DPH6: variants seen among roughly 807,000 people sequenced by gnomAD.
The protein encoded by DPH6 is diphthine--ammonia ligase.
In DPH6, 33 loss-of-function variants were observed where a neutral mutation model predicts 38.2. The observed-to-expected ratio is 0.86, with a 90% confidence interval of 0.65 to 1.15. The LOEUF (loss-of-function observed/expected upper bound fraction) is 1.15. Ranked by LOEUF, DPH6 falls within the 50% of genes most tolerant of loss-of-function variation. The pLI, the probability that DPH6 is intolerant of heterozygous loss-of-function variation, is 0.00. For synonymous variants in DPH6, 108 were observed against 103.0 expected, an observed-to-expected ratio of 1.05 and a Z score of -0.30; for missense variants, 325 against 320.0, an observed-to-expected ratio of 1.02 and a Z score of -0.12.
downstream of DPH6, among the ~76,000 whole-genome samples, chr15:35,370,030 G>C (rs775615075): frequency 4.0e-5 from 6 of 151,790 alleles, no homozygotes; most frequent in Non-Finnish European, 8.9e-5. Context: ...TCCATCAGTG[G>C]AACAGACTGG....
At chr15:35,445,395 CAAAAAAA>C (rs11331685) in intron 5 of DPH6, among the ~76,000 whole-genome samples, 1 of 125,522 alleles carries the variant, frequency 8.0e-6, no homozygotes, top group Admixed American at 8.0e-5. Flanking sequence ...TCATCATCAT[CAAAAAAA>C]AAAAAAAAAA....
intron 3 of DPH6, among the ~76,000 whole-genome samples, chr15:35,504,683 C>T (rs960928127): frequency 3.3e-5 from 5 of 151,856 alleles, no homozygotes; most frequent in East Asian, 1.9e-4. Context: ...ATCAATATGC[C>T]CTGGAAATGG....
chr15:35,398,792 C>A (rs1166434829), intron 6 of DPH6, among the ~76,000 whole-genome samples: 5 of 152,020 alleles, frequency 3.3e-5, no homozygotes, highest in Admixed American at 6.6e-5. Context: ...GAAGTGGTGG[C>A]AGTCTTGTAG....
At chr15:35,471,592 C>T (rs2141127630) in intron 3 of DPH6, among the ~76,000 whole-genome samples, 1 of 152,288 alleles carries the variant, frequency 6.6e-6, no homozygotes, top group East Asian at 1.9e-4. Context: ...TTTGGCTGAA[C>T]ACATTAATTT....
rs531639597 is a variant in DPH6 at position 35,319,640 on chromosome 15, C to T, written n.200+53881G>A. ...CCTATAATCCCAGCTACTCAGAAGGCTGAGGCACAACAGTTGCTTGAACAT... is the reference window on the plus strand; with the variant it reads ...CCTATAATCCCAGCTACTCAGAAGGTTGAGGCACAACAGTTGCTTGAACAT... On this transcript the variant is annotated intron_variant and non_coding_transcript_variant, in intron 3 of 3. Transcript: ENST00000560386. Among the ~76,000 whole-genome samples, 27 of 152,200 alleles carry T rather than the reference C, an allele frequency of 1.8e-4. No individual in the cohort carries two copies. The South Asian group carries it at 5.6e-3, about 32-fold the overall frequency.
At chr15:35,303,907 C>T (rs955658924) in intron 3 of DPH6, among the ~76,000 whole-genome samples, 7 of 151,306 alleles carry the variant, frequency 4.6e-5, no homozygotes, top group African/African-American at 1.5e-4. Context: ...ATAGGTAAGC[C>T]GTGATTATAT....
At chr15:35,496,567 A>AAAAAAAATATATATATAT in intron 3 of DPH6, among the ~76,000 whole-genome samples, 7 of 31,010 alleles carry the variant, frequency 2.3e-4, no homozygotes, top group African/African-American at 5.5e-4. Context: ...AAAAAAAAAA[A>AAAAAAAATATATATATAT]ATATATATAT....
chr15:35,284,285 C>T (rs190321505), intron 3 of DPH6, among the ~76,000 whole-genome samples: 1 of 152,094 alleles, frequency 6.6e-6, no homozygotes, highest in Non-Finnish European at 1.5e-5. Flanking sequence ...ATATATACAA[C>T]AAGAAACCCT....
At chr15:35,289,714 CATCTT>C (rs1276190623) in intron 3 of DPH6, among the ~76,000 whole-genome samples, 1 of 152,152 alleles carries the variant, frequency 6.6e-6, no homozygotes, top group Non-Finnish European at 1.5e-5. Context: ...GCAAATAACT[CATCTT>C]ATAAATTAAA....
At chr15:35,285,872 G>GTTTTTTTTTTTTGTTTTTTTTT (rs2051938772) in intron 3 of DPH6, among the ~76,000 whole-genome samples, 1 of 52,790 alleles carries the variant, frequency 1.9e-5, no homozygotes, top group Non-Finnish European at 3.3e-5. Context: ...TTATCTTTGA[G>GTTTTTTTTTTTTGTTTTTTTTT]TTTTTTTTTT....
rs552478403 is a variant in DPH6, at chr15:35,463,738, T to C, written c.313-8918A>G. 1.6e-4 allele frequency among the ~76,000 whole-genome samples: 25 copies of C among 152,306 alleles called. No individual in the cohort carries two copies. In the East Asian group the frequency reaches 4.8e-3, roughly 29 times the overall value. ...ATATTTTAAGTATTTTTACAACCCA[T>C]GTATTACTTTCTTAATTAGAGGGAA... is the stretch of plus-strand genomic sequence containing the variant. On this transcript the variant is annotated intron_variant, in intron 3 of 8. Transcript: ENST00000256538.
chr15:35,424,506 A>G (rs1016020533), intron 5 of DPH6, among the ~76,000 whole-genome samples: 1 of 151,542 alleles, frequency 6.6e-6, no homozygotes, highest in Admixed American at 6.6e-5. Flanking sequence ...GTAAGTAGAA[A>G]TAATTTTGCT....
downstream of DPH6, chr15:35,365,880 GC>G (rs1455250073): frequency 1.0e-6 from 1 of 985,228 alleles, no homozygotes; most frequent in Non-Finnish European, 1.2e-6. Context: ...ACCCATTCAA[GC>G]CCCAAGTTGT....
chr15:35,517,304 T>C (rs1485858475), intron 3 of DPH6, among the ~76,000 whole-genome samples: 2 of 152,258 alleles, frequency 1.3e-5, no homozygotes, highest in East Asian at 3.9e-4. Flanking sequence ...CTTGGTAAAT[T>C]ATGCAGGCTC....
At chr15:35,465,542 C>T (rs2054116242) in intron 3 of DPH6, among the ~76,000 whole-genome samples, 1 of 152,038 alleles carries the variant, frequency 6.6e-6, no homozygotes, top group Admixed American at 6.6e-5. Context: ...TAAAAATAAC[C>T]AAAGAAATGA....
chr15:35,179,823 G>T, the DPH6 span, among the ~76,000 whole-genome samples: 2 of 152,096 alleles, frequency 1.3e-5, no homozygotes, highest in African/African-American at 4.8e-5. Flanking sequence ...TGATGCAGTT[G>T]GTGTTTAATA....
At chr15:35,340,545 C>T (rs1237065999) in intron 3 of DPH6, among the ~76,000 whole-genome samples, 1 of 152,130 alleles carries the variant, frequency 6.6e-6, no homozygotes, top group Admixed American at 6.6e-5. Context: ...TTAATACATC[C>T]TTCAGGAGCT....
chr15:35,510,881 C>A (rs1369088283), intron 3 of DPH6, among the ~76,000 whole-genome samples: 2 of 152,142 alleles, frequency 1.3e-5, no homozygotes, highest in African/African-American at 4.8e-5. Flanking sequence ...GGAAACATGA[C>A]AAATTAGGTT....
At chr15:35,233,712 T>C (rs573211733) in intron 3 of DPH6, among the ~76,000 whole-genome samples, 80 of 152,270 alleles carry the variant, frequency 5.3e-4, no homozygotes, top group African/African-American at 1.9e-3. Flanking sequence ...TGGCACTATG[T>C]CCTCTCTGAC....
Sources: gnomAD v4.1 joint callset for allele counts (sites outside exome capture counted in the v4.1 genomes callset) on GRCh38, gnomAD v4.1.1 for gene constraint, MANE v1.5 for transcripts, NCBI Gene and HGNC (gene_info 2026-07-23, HGNC 2026-07-21) for gene names.